Variants in IMPG1 observed in about 807,000 individuals in gnomAD.
IMPG1 encodes interphotoreceptor matrix proteoglycan of 150 kDa.
IMPG1 carries 85 observed loss-of-function variants against 92.0 expected under a neutral mutation model. That is an observed-to-expected ratio of 0.92 (90% CI 0.78 to 1.11). The LOEUF is 1.11. Among genes scored for constraint, IMPG1 ranks in the 50% least tolerant of loss-of-function variants. The probability of loss-of-function intolerance (pLI) is 0.00; values close to 1 mark genes in which losing one functional copy is unlikely to be tolerated. For missense variants in IMPG1, 1,022 were observed against 956.0 expected (o/e 1.07, Z -0.91); for synonymous variants, 367 against 334.1 (o/e 1.10, Z -1.08).
intron 1 of IMPG1, among the ~76,000 whole-genome samples, chr6:76,067,007 G>A (rs1228778102): frequency 6.6e-6 from 1 of 151,672 alleles, no homozygotes; most frequent in Non-Finnish European, 1.5e-5. Context: ...TACGAAAATA[G>A]AGACACAACA....
intron 6 of IMPG1, among the ~76,000 whole-genome samples, chr6:76,021,837 G>A (rs1189808906): frequency 1.1e-4 from 7 of 66,662 alleles, no homozygotes; most frequent in Admixed American, 8.6e-4. Context: ...GTTTTGTTAG[G>A]TGCTGGGGAA....
At chr6:76,048,144 A>T (rs953518359) in intron 1 of IMPG1, among the ~76,000 whole-genome samples, 2 of 152,204 alleles carry the variant, frequency 1.3e-5, no homozygotes, top group African/African-American at 2.4e-5. Flanking sequence ...AGGCAAAGCC[A>T]TAATCATGGT....
chr6:75,991,866 T>A (rs1468114698), intron 12 of IMPG1, among the ~76,000 whole-genome samples: 1 of 152,228 alleles, frequency 6.6e-6, no homozygotes, highest in Non-Finnish European at 1.5e-5. Context: ...GGTACTGACA[T>A]AACGTATAAG....
At chr6:75,948,850 A>G (rs1781976827) in intron 13 of IMPG1, among the ~76,000 whole-genome samples, 2 of 152,148 alleles carry the variant, frequency 1.3e-5, no homozygotes, top group Admixed American at 1.3e-4. Context: ...TCTTTTGCTT[A>G]GGAGAAAATT....
chr6:75,952,271 A>G (rs1244135897), intron 12 of IMPG1, among the ~76,000 whole-genome samples: 1 of 152,186 alleles, frequency 6.6e-6, no homozygotes, highest in Non-Finnish European at 1.5e-5. Context: ...GCAAATATGC[A>G]GGAAAGCTCT....
intron 15 of IMPG1, among the ~76,000 whole-genome samples, chr6:75,930,359 A>C (rs1478838790): frequency 6.6e-6 from 1 of 152,256 alleles, no homozygotes; most frequent in African/African-American, 2.4e-5. Flanking sequence ...TGTGCTTTAG[A>C]AAATTCCTTA....
intron 12 of IMPG1, among the ~76,000 whole-genome samples, chr6:76,001,408 C>T (rs1196654638): frequency 6.6e-6 from 1 of 152,160 alleles, no homozygotes; most frequent in Non-Finnish European, 1.5e-5. Flanking sequence ...ATAAATTCTT[C>T]CATACTTCTC....
Position 75,921,831 on chromosome 6 carries a change from A to G in IMPG1, c.*258T>C, listed in dbSNP as rs1781435592. The G allele has an allele frequency of 3.5e-6, 1 of 285,552 alleles. No individual in the cohort carries two copies. Among genetic ancestry groups the G allele is most frequent in the South Asian group, 5.7e-5 (1 of 17,506 alleles). The allele number at this position is 285,552 out of a possible 1,614,324, so 17.7% of individuals were successfully genotyped here. A position where few individuals can be genotyped will look rare whatever the true frequency, so the allele number is the denominator to read the frequency against. ...AACCTGGCTTATGATCATTTTGACT[A>G]TCATCCAAGAATAGTAAAAATATGT... is the stretch of plus-strand genomic sequence containing the variant. On this transcript the variant is annotated 3_prime_UTR_variant, in exon 17 of 17. Coordinates refer to ENST00000369950, the MANE Select transcript of IMPG1 (RefSeq NM_001563.4).
rs2149488014 is a variant in IMPG1 at position 76,034,658 on chromosome 6, A to T, written c.431T>A (p.Phe144Tyr). The change falls in exon 3 of 17, where the codon TTC becomes TAC. Residue 144 changes from phenylalanine (F) to tyrosine (Y), a missense_variant. Transcript: ENST00000369950. ...TFCLFDIGKN[F>Y]SNSQEHLDLL... is the part of the protein sequence containing the mutation. ...ATCCAGGTGCTCCTGGGAATTGCTG[A>T]AGTTTTTTCCAATGTCAAAGAGGCA... is the stretch of plus-strand genomic sequence containing the variant. The T allele has an allele frequency of 6.2e-7, 1 of 1,614,144 alleles. No homozygotes were observed. The highest frequency in any genetic ancestry group is 2.2e-5 in the East Asian group (1 of 44,878).
At chr6:76,008,912 ATC>A (rs1005460604) in intron 8 of IMPG1, among the ~76,000 whole-genome samples, 1 of 152,178 alleles carries the variant, frequency 6.6e-6, no homozygotes, top group African/African-American at 2.4e-5. Context: ...GCAACTGCTG[ATC>A]TGTTTCCTGT....
chr6:76,037,576 T>G (rs1783762893), intron 2 of IMPG1, among the ~76,000 whole-genome samples: 1 of 152,202 alleles, frequency 6.6e-6, no homozygotes, highest in African/African-American at 2.4e-5. Context: ...CTACATAATA[T>G]ACAAGAAGGA....
At chr6:75,924,061 T>A (rs1781478264) in intron 15 of IMPG1, among the ~76,000 whole-genome samples, 1 of 152,038 alleles carries the variant, frequency 6.6e-6, no homozygotes, top group African/African-American at 2.4e-5. Flanking sequence ...TTATTCCAGT[T>A]AGAATGGCTA....
chr6:75,925,351 C>T (rs1781532769), intron 15 of IMPG1, among the ~76,000 whole-genome samples: 1 of 151,952 alleles, frequency 6.6e-6, no homozygotes. Flanking sequence ...TTCCTCTTTG[C>T]ATTATAAAAT....
At chr6:75,928,110 G>T (rs2149449150) in intron 15 of IMPG1, among the ~76,000 whole-genome samples, 1 of 152,204 alleles carries the variant, frequency 6.6e-6, no homozygotes, top group Non-Finnish European at 1.5e-5. Context: ...ATACATTCCT[G>T]TTCACAAAAG....
chr6:76,036,348 A>T (rs1408055514), intron 2 of IMPG1, among the ~76,000 whole-genome samples: 1 of 152,206 alleles, frequency 6.6e-6, no homozygotes. Flanking sequence ...TTTAACACTG[A>T]TTTCTTCCAA....
chr6:75,969,020 A>G (rs538038188), intron 12 of IMPG1, among the ~76,000 whole-genome samples: 28 of 152,230 alleles, frequency 1.8e-4, no homozygotes, highest in Admixed American at 3.9e-4. Flanking sequence ...TTTTGACAAC[A>G]TGAATGAACC....
rs148743002 is a variant in IMPG1 at position 75,970,931 on chromosome 6, C to A, written c.1292-19837G>T. On this transcript the variant is annotated intron_variant, in intron 12 of 16. Transcript: ENST00000369950. ...GTGGCGATTCCTCAGGGATCTAGAA[C>A]TAGAAATACCATTTGACCCAGCAAT... Among the ~76,000 whole-genome samples, 334 of 152,220 alleles carry A rather than the reference C, an allele frequency of 2.2e-3. 1 individual carries two copies. Among genetic ancestry groups the A allele is most frequent in the African/African-American group, 7.7e-3 (321 of 41,542 alleles).
chr6:76,067,286 G>A (rs1320543640), intron 1 of IMPG1, among the ~76,000 whole-genome samples: 1 of 151,456 alleles, frequency 6.6e-6, no homozygotes, highest in Non-Finnish European at 1.5e-5. Context: ...TTGAAAGACT[G>A]CCAGCTAGAT....
intron 1 of IMPG1, among the ~76,000 whole-genome samples, chr6:76,043,222 T>C (rs2127594765): frequency 6.6e-6 from 1 of 151,932 alleles, no homozygotes; most frequent in East Asian, 1.9e-4. Context: ...AAATTACCGA[T>C]GAACAGTTGG....
Sources: gnomAD v4.1 joint callset for allele counts (sites outside exome capture counted in the v4.1 genomes callset) on GRCh38, gnomAD v4.1.1 for gene constraint, MANE v1.5 for transcripts, NCBI Gene and HGNC (gene_info 2026-07-23, HGNC 2026-07-21) for gene names.